Variants in CTNNA2 observed in about 807,000 individuals in gnomAD.
CTNNA2 encodes catenin alpha-2.
CTNNA2 carries 42 observed loss-of-function variants against 101.0 expected under a neutral mutation model. That is an observed-to-expected ratio of 0.42 (90% CI 0.32 to 0.54). CTNNA2 has a LOEUF of 0.54. Ranked by LOEUF, CTNNA2 falls within the 20% of genes least tolerant of loss-of-function variation. The pLI is 0.14. For synonymous variants in CTNNA2, 450 were observed against 456.4 expected, an observed-to-expected ratio of 0.99 and a Z score of 0.18; for missense variants, 871 against 1,223.1, an observed-to-expected ratio of 0.71 and a Z score of 4.29.
At chr2:80,338,296 C>CTTTTCTTTTTTTTTTTT (rs1671927762) in intron 7 of CTNNA2, among the ~76,000 whole-genome samples, 1 of 125,632 alleles carries the variant, frequency 8.0e-6, no homozygotes, top group African/African-American at 3.6e-5. Context: ...GCCTTTTTTT[C>CTTTTCTTTTTTTTTTTT]TTTTTCTTTT....
At chr2:80,071,036 CT>C (rs759514567) in intron 7 of CTNNA2, among the ~76,000 whole-genome samples, 18 of 152,166 alleles carry the variant, frequency 1.2e-4, no homozygotes, top group Admixed American at 2.6e-4. Flanking sequence ...TGCACAGACT[CT>C]TTTTAAAAAT....
chr2:79,698,232 C>T (rs909518023), intron 2 of CTNNA2, among the ~76,000 whole-genome samples: 17 of 151,872 alleles, frequency 1.1e-4, no homozygotes, highest in Admixed American at 1.1e-3. Context: ...TTCAAGAGTA[C>T]GTTTAAGTTC....
chr2:79,771,569 A>G (rs1051640625), intron 3 of CTNNA2, among the ~76,000 whole-genome samples: 4 of 152,208 alleles, frequency 2.6e-5, no homozygotes, highest in Non-Finnish European at 5.9e-5. Flanking sequence ...CAGATCATCA[A>G]TTATTAAATT....
At chr2:80,052,021 TA>T (rs1696906649) in intron 7 of CTNNA2, among the ~76,000 whole-genome samples, 1 of 152,236 alleles carries the variant, frequency 6.6e-6, no homozygotes, top group Non-Finnish European at 1.5e-5. Context: ...GTAGTTGATG[TA>T]GCTTCTTGAT....
chr2:79,723,032 A>G (rs1192117278), intron 2 of CTNNA2, among the ~76,000 whole-genome samples: 1 of 152,250 alleles, frequency 6.6e-6, no homozygotes, highest in Non-Finnish European at 1.5e-5. Flanking sequence ...TAAGAAAGCG[A>G]AAGAGTAAGA....
chr2:80,600,398 T>C (rs1483168027), intron 15 of CTNNA2, among the ~76,000 whole-genome samples: 1 of 151,714 alleles, frequency 6.6e-6, no homozygotes, highest in Non-Finnish European at 1.5e-5. Context: ...TTTTAAAAAC[T>C]GTAAAAAAAA....
At chr2:79,920,982 G>A (rs997563962) in intron 7 of CTNNA2, among the ~76,000 whole-genome samples, 1 of 152,164 alleles carries the variant, frequency 6.6e-6, no homozygotes, top group African/African-American at 2.4e-5. Context: ...ACAGCATTCT[G>A]CAGGCTGGAC....
At chr2:79,543,143 TACG>T (rs1329013691) in intron 1 of CTNNA2, among the ~76,000 whole-genome samples, 1 of 152,178 alleles carries the variant, frequency 6.6e-6, no homozygotes, top group Non-Finnish European at 1.5e-5. Flanking sequence ...GACTTTCAAG[TACG>T]ACATTAGATC....
At chr2:79,290,738 C>T (rs1675780873) in intron 2 of CTNNA2, among the ~76,000 whole-genome samples, 1 of 152,180 alleles carries the variant, frequency 6.6e-6, no homozygotes, top group South Asian at 2.1e-4. Context: ...CATCTTCCCA[C>T]TCCATCTCCC....
chr2:80,158,397 C>G (rs183404403), intron 7 of CTNNA2, among the ~76,000 whole-genome samples: 128 of 152,310 alleles, frequency 8.4e-4, no homozygotes, highest in Admixed American at 7.1e-3. Flanking sequence ...ATGCTCTTTC[C>G]CTCGTTTCGC....
chr2:80,546,816 T>TG (rs1379167843), intron 11 of CTNNA2, among the ~76,000 whole-genome samples: 13 of 152,334 alleles, frequency 8.5e-5, no homozygotes, highest in Non-Finnish European at 1.8e-4. Flanking sequence ...CCAGTTCACC[T>TG]GGAAGAATCT....
At chr2:80,359,269 A>G (rs946094844) in intron 7 of CTNNA2, among the ~76,000 whole-genome samples, 8 of 152,192 alleles carry the variant, frequency 5.3e-5, no homozygotes, top group Non-Finnish European at 8.8e-5. Flanking sequence ...AATTGGATTG[A>G]TATCATTATT....
chr2:79,438,176 G>C (rs745914539), intron 4 of CTNNA2, among the ~76,000 whole-genome samples: 9 of 152,190 alleles, frequency 5.9e-5, no homozygotes, highest in Non-Finnish European at 1.3e-4. Flanking sequence ...AAGAAGCCTG[G>C]ATTTCTTGTG....
chr2:79,278,400 G>C (rs11888732), intron 2 of CTNNA2, among the ~76,000 whole-genome samples: 57,480 of 151,794 alleles, frequency 0.38, 12,030 homozygotes, highest in Non-Finnish European at 0.46. Context: ...TTGGTAATAG[G>C]GAAAGGTATT....
At chr2:79,449,049 G>A (rs1178135271) in intron 4 of CTNNA2, among the ~76,000 whole-genome samples, 1 of 151,998 alleles carries the variant, frequency 6.6e-6, no homozygotes, top group Non-Finnish European at 1.5e-5. Context: ...ACTGAAGTTG[G>A]CCCTCAAGAT....
chr2:79,919,993 G>C (rs1397363346), intron 7 of CTNNA2, among the ~76,000 whole-genome samples: 1 of 152,154 alleles, frequency 6.6e-6, no homozygotes, highest in Non-Finnish European at 1.5e-5. Context: ...GAGGTGGGTG[G>C]ATTACCTGAG....
intron 7 of CTNNA2, among the ~76,000 whole-genome samples, chr2:79,987,588 G>C (rs576881353): frequency 1.3e-5 from 2 of 152,048 alleles, no homozygotes; most frequent in Non-Finnish European, 2.9e-5. Context: ...TAAGTTGCAG[G>C]CATGTAGAAT....
intron 7 of CTNNA2, among the ~76,000 whole-genome samples, chr2:80,079,069 C>T (rs1400629569): frequency 1.3e-5 from 2 of 152,186 alleles, no homozygotes; most frequent in Non-Finnish European, 2.9e-5. Flanking sequence ...TATACTTAGT[C>T]TCTGCCCTGT....
At chr2:79,300,125 A>C (rs1421737365) in intron 2 of CTNNA2, among the ~76,000 whole-genome samples, 1 of 152,192 alleles carries the variant, frequency 6.6e-6, no homozygotes, top group Non-Finnish European at 1.5e-5. Context: ...TCATACAGTA[A>C]TCATACAGAA....
Sources: allele counts gnomAD v4.1 joint callset (sites outside exome capture counted in the v4.1 genomes callset), GRCh38; gene constraint gnomAD v4.1.1; transcripts MANE v1.5; gene names NCBI Gene and HGNC (gene_info 2026-07-23, HGNC 2026-07-21).